Variants in SLC6A20 observed in about 807,000 individuals in gnomAD.
The protein encoded by SLC6A20 is solute carrier family 6 member 20, also known as sodium- and chloride-dependent transporter XTRP3.
Under a neutral mutation model 64.3 loss-of-function variants are expected in SLC6A20, and 73 were observed. That is an observed-to-expected ratio of 1.14 (90% CI 0.94 to 1.38). SLC6A20 has a LOEUF of 1.38. Among genes scored for constraint, SLC6A20 ranks in the 40% most tolerant of loss-of-function variants. SLC6A20 has a pLI of 0.00. For missense variants in SLC6A20, 725 were observed against 772.8 expected (o/e 0.94, Z 0.73); for synonymous variants, 347 against 329.6 (o/e 1.05, Z -0.57).
rs1401711297 is a variant in SLC6A20 at position 45,762,976 on chromosome 3, A to G, written c.1400T>C (p.Leu467Pro). The change falls in exon 9 of 11, where the codon CTG becomes CCG. Residue 467 changes from leucine to proline, a missense_variant. Physicochemically the swap from Leu to Pro is moderately conservative, Grantham distance 98. Coordinates refer to ENST00000358525, the MANE Select transcript of SLC6A20 (RefSeq NM_020208.4). ...FDIFNDYAAT[L>P]SLLLIVLVET... ...CACCAGCACGATGAGCAGCAGGGACAGTGTGGCCGCGTAGTCGTTGAATAT... is the reference window on the plus strand; with the variant it reads ...CACCAGCACGATGAGCAGCAGGGACGGTGTGGCCGCGTAGTCGTTGAATAT... The G allele has an allele frequency of 2.5e-6, 4 of 1,614,168 alleles. No individual in the cohort carries two copies. Among genetic ancestry groups the G allele is most frequent in the Admixed American group, 1.7e-5 (1 of 60,014 alleles).
rs1699597808 is a variant in SLC6A20 at position 45,758,942 on chromosome 3, A to T, written c.*36T>A. 6.4e-7 allele frequency: 1 copy of T among 1,556,282 alleles called. No individual in the cohort carries two copies. The highest frequency in any genetic ancestry group is 8.7e-7 in the Non-Finnish European group (1 of 1,150,558). The stretch of plus-strand genomic sequence containing the variant: ...CGAGGAGTTTCCGCCTGTAAATAGT[A>T]TCTGTAAAACCGTGAGCGGCTGGGA... On this transcript the variant is annotated 3_prime_UTR_variant, in exon 11 of 11. Coordinates refer to ENST00000358525, the MANE Select transcript of SLC6A20 (RefSeq NM_020208.4).
At chr3:45,776,772 T>C (rs1699975573) in intron 3 of SLC6A20, among the ~76,000 whole-genome samples, 2 of 152,134 alleles carry the variant, frequency 1.3e-5, no homozygotes. Flanking sequence ...GCAGAGGCTG[T>C]TTACTTAGGA....
At chr3:45,785,717 T>C (rs1700160232) in intron 1 of SLC6A20, among the ~76,000 whole-genome samples, 1 of 151,916 alleles carries the variant, frequency 6.6e-6, no homozygotes, top group Non-Finnish European at 1.5e-5. Context: ...CTTAAAGGCA[T>C]GTGTGGAGAT....
chr3:45,761,548 C>T (rs2125717209), intron 9 of SLC6A20, among the ~76,000 whole-genome samples: 1 of 152,290 alleles, frequency 6.6e-6, no homozygotes, highest in Non-Finnish European at 1.5e-5. Flanking sequence ...CAATCTCTTT[C>T]TCCCTCTAGA....
chr3:45,761,893 AC>A (rs1437907345), intron 9 of SLC6A20, among the ~76,000 whole-genome samples: 7 of 152,076 alleles, frequency 4.6e-5, no homozygotes, highest in African/African-American at 1.7e-4. Context: ...ATGGCACGGG[AC>A]CCTGGCCTTT....
At chr3:45,762,068 C>T (rs932353073) in intron 9 of SLC6A20, among the ~76,000 whole-genome samples, 1 of 152,216 alleles carries the variant, frequency 6.6e-6, no homozygotes, top group African/African-American at 2.4e-5. Context: ...CCCACTAGAG[C>T]AGCGCTGCCC....
chr3:45,790,463 A>G (rs1260474189), intron 1 of SLC6A20: 1 of 151,722 alleles, frequency 6.6e-6, no homozygotes, highest in African/African-American at 2.4e-5. Flanking sequence ...CTCTTCATTC[A>G]CTCGCCTCCA....
At chr3:45,796,228 AAC>A in intron 1 of SLC6A20, 69 bp downstream of exon 1, 1 of 1,543,218 alleles carries the variant, frequency 6.5e-7, no homozygotes, top group Non-Finnish European at 8.8e-7. Flanking sequence ...ACTTGGGTCT[AAC>A]CCCGGCTCGC....
intron 1 of SLC6A20, 78 bp from the exon 2 acceptor site, chr3:45,782,301 T>A: frequency 6.6e-7 from 1 of 1,510,830 alleles, no homozygotes; most frequent in Non-Finnish European, 8.9e-7. Flanking sequence ...TGTGCAAACA[T>A]CCTTCCATCC....
intron 1 of SLC6A20, among the ~76,000 whole-genome samples, chr3:45,786,310 C>T (rs1181217056): frequency 1.3e-5 from 2 of 152,194 alleles, no homozygotes; most frequent in South Asian, 2.1e-4. Flanking sequence ...CATCCAGACT[C>T]TAGCTCACAA....
At chr3:45,763,854 A>G (rs1025658812) in intron 8 of SLC6A20, among the ~76,000 whole-genome samples, 1 of 152,170 alleles carries the variant, frequency 6.6e-6, no homozygotes, top group Admixed American at 6.5e-5. Flanking sequence ...CACACCGTAC[A>G]CTGCCAGCTA....
chr3:45,759,607 C>G (rs1699626521), intron 10 of SLC6A20, among the ~76,000 whole-genome samples: 1 of 152,176 alleles, frequency 6.6e-6, no homozygotes, highest in Non-Finnish European at 1.5e-5. Context: ...TCTCAGCTTC[C>G]GGGGGACAGG....
intron 1 of SLC6A20, among the ~76,000 whole-genome samples, chr3:45,786,664 A>G (rs565407043): frequency 2.6e-5 from 4 of 152,362 alleles, no homozygotes; most frequent in East Asian, 3.9e-4. Flanking sequence ...CTCAGTAACT[A>G]TCCTATTTCT....
intron 1 of SLC6A20, among the ~76,000 whole-genome samples, chr3:45,782,551 C>G (rs1700111471): frequency 6.6e-6 from 1 of 151,776 alleles, no homozygotes. Context: ...CACCCTACAT[C>G]CATCCATCCT....
chr3:45,770,247 G>A lies in SLC6A20; in HGVS notation c.1060C>T (p.Gln354Ter). Residue 354 changes from glutamine (Q) to a stop codon, truncating the protein, a stop_gained, in exon 7 of 11, where the codon CAA (glutamine) becomes TAA (stop). Transcript: ENST00000358525. LOFTEE classifies it high-confidence loss of function. ...YPSKYSEMFP[Q>*]IKNCSLESEL... The stretch of plus-strand genomic sequence containing the variant: ...GATTCCAAGCTGCAGTTTTTGATTT[G>A]CGGGAACATCTCGCTGTATTTGCTT... The A allele has an allele frequency of 2.5e-6, 4 of 1,614,192 alleles. No individual in the cohort carries two copies. The highest frequency in any genetic ancestry group is 3.4e-6 in the Non-Finnish European group (4 of 1,180,026).
chr3:45,777,602 T>C (rs1301191832), intron 3 of SLC6A20, among the ~76,000 whole-genome samples: 1 of 152,150 alleles, frequency 6.6e-6, no homozygotes, highest in Non-Finnish European at 1.5e-5. Flanking sequence ...AGACCAGCTG[T>C]GGGACATCCA....
rs1397338182 is a variant in SLC6A20 at position 45,755,499 on chromosome 3, C to T, written c.*3479G>A. On this transcript the variant is annotated 3_prime_UTR_variant, in exon 11 of 11. Transcript: ENST00000358525. Reference sequence around the variant, plus strand: ...ATTTACTATGACAATTGCTAAAAAACAAATATTTCCCTACTCAATTTCTTG... The same window carrying T: ...ATTTACTATGACAATTGCTAAAAAATAAATATTTCCCTACTCAATTTCTTG... The T allele has an allele frequency of 6.6e-6, 1 of 152,378 alleles. No homozygotes were observed. Among genetic ancestry groups the T allele is most frequent in the Non-Finnish European group, 1.5e-5 (1 of 68,024 alleles). 9.4% of individuals were successfully genotyped at this position (152,378 alleles called of 1,614,324 possible).
chr3:45,761,061 G>A (rs1271134999), intron 9 of SLC6A20, among the ~76,000 whole-genome samples: 1 of 152,212 alleles, frequency 6.6e-6, no homozygotes, highest in Non-Finnish European at 1.5e-5. Context: ...GTCCATGCGA[G>A]GCTGTGTGGC....
intron 7 of SLC6A20, among the ~76,000 whole-genome samples, chr3:45,769,231 A>C (rs1699821252): frequency 6.6e-6 from 1 of 152,234 alleles, no homozygotes; most frequent in African/African-American, 2.4e-5. Context: ...AGAATGTTTT[A>C]AAAGACTTGA....
Sources: allele counts gnomAD v4.1 joint callset (sites outside exome capture counted in the v4.1 genomes callset), GRCh38; gene constraint gnomAD v4.1.1; transcripts MANE v1.5; gene names NCBI Gene and HGNC (gene_info 2026-07-23, HGNC 2026-07-21).